Variants in PTPRD observed in about 807,000 individuals in gnomAD.
The protein encoded by PTPRD is protein tyrosine phosphatase receptor type D, also known as receptor-type tyrosine-protein phosphatase delta.
In PTPRD, 34 loss-of-function variants were observed where a neutral mutation model predicts 214.5. The ratio of observed to expected loss-of-function variants is 0.16; its 90% CI spans 0.12 to 0.21. The LOEUF (loss-of-function observed/expected upper bound fraction) is 0.21. Among genes scored for constraint, PTPRD ranks in the 10% least tolerant of loss-of-function variants. The pLI, the probability that PTPRD is intolerant of heterozygous loss-of-function variation, is 1.00. For missense variants in PTPRD, 2,545 were observed against 2,398.7 expected (o/e 1.06, Z -1.27); for synonymous variants, 1,128 against 845.7 (o/e 1.33, Z -5.79).
At chr9:8,759,937 C>A (rs1045695989) in intron 11 of PTPRD, among the ~76,000 whole-genome samples, 9 of 152,184 alleles carry the variant, frequency 5.9e-5, no homozygotes, top group African/African-American at 2.2e-4. Flanking sequence ...TATCCAGACA[C>A]TGTTTGTTGA....
At chr9:9,683,856 T>C (rs562989504) in intron 7 of PTPRD, among the ~76,000 whole-genome samples, 1 of 151,898 alleles carries the variant, frequency 6.6e-6, no homozygotes, top group Admixed American at 6.6e-5. Context: ...TTTTTAAGAC[T>C]TTAAGTTAGT....
At chr9:9,407,469 G>C (rs144285766) in intron 8 of PTPRD, among the ~76,000 whole-genome samples, 1 of 151,730 alleles carries the variant, frequency 6.6e-6, no homozygotes, top group African/African-American at 2.4e-5. Context: ...TCTACATTGA[G>C]TATACCAGAT....
chr9:9,708,672 C>T (rs1310676415), intron 7 of PTPRD, among the ~76,000 whole-genome samples: 1 of 151,836 alleles, frequency 6.6e-6, no homozygotes, highest in African/African-American at 2.4e-5. Flanking sequence ...ATTAAAAAAA[C>T]TATATTAAAT....
At chr9:9,215,955 C>T (rs913338701) in intron 9 of PTPRD, among the ~76,000 whole-genome samples, 5 of 152,104 alleles carry the variant, frequency 3.3e-5, no homozygotes, top group African/African-American at 1.2e-4. Context: ...ATACCATAAA[C>T]CATTTTGTGA....
At chr9:8,736,332 T>G (rs1055841627) in intron 11 of PTPRD, among the ~76,000 whole-genome samples, 3 of 151,936 alleles carry the variant, frequency 2.0e-5, no homozygotes, top group African/African-American at 7.3e-5. Flanking sequence ...ATAAAGAGAG[T>G]AGATCACATC....
intron 10 of PTPRD, among the ~76,000 whole-genome samples, chr9:9,164,722 T>A (rs1032632559): frequency 6.6e-6 from 1 of 152,032 alleles, no homozygotes. Context: ...TTTTAAAAAA[T>A]TTCTCCAAGG....
intron 2 of PTPRD, among the ~76,000 whole-genome samples, chr9:10,483,563 AC>A (rs1359315250): frequency 2.0e-5 from 3 of 152,138 alleles, no homozygotes; most frequent in Non-Finnish European, 4.4e-5. Context: ...CCACAAGGAA[AC>A]AAATTAGCAA....
At chr9:10,168,977 G>C (rs1166664603) in intron 3 of PTPRD, among the ~76,000 whole-genome samples, 1 of 152,104 alleles carries the variant, frequency 6.6e-6, no homozygotes, top group Non-Finnish European at 1.5e-5. Flanking sequence ...CACCTGTCAG[G>C]AGTTTATTGC....
chr9:9,894,087 G>T (rs2074239914), intron 5 of PTPRD, among the ~76,000 whole-genome samples: 1 of 151,886 alleles, frequency 6.6e-6, no homozygotes, highest in Non-Finnish European at 1.5e-5. Context: ...CTAACGCTGT[G>T]GAATTGCCAG....
chr9:9,921,567 T>C (rs1056660026), intron 5 of PTPRD, among the ~76,000 whole-genome samples: 2 of 151,612 alleles, frequency 1.3e-5, no homozygotes, highest in Non-Finnish European at 2.9e-5. Flanking sequence ...TCAAGAGAAC[T>C]TACAAATTAC....
intron 8 of PTPRD, among the ~76,000 whole-genome samples, chr9:9,558,699 A>C (rs1169381203): frequency 6.6e-6 from 1 of 152,204 alleles, no homozygotes; most frequent in Non-Finnish European, 1.5e-5. Flanking sequence ...AGTTTAGCTT[A>C]TTAGCTACTC....
At chr9:9,873,803 C>T (rs1014442483) in intron 5 of PTPRD, among the ~76,000 whole-genome samples, 1 of 152,096 alleles carries the variant, frequency 6.6e-6, no homozygotes, top group African/African-American at 2.4e-5. Context: ...GCATAAGTTA[C>T]AGAAGCATAT....
chr9:9,438,760 G>A (rs2086315762), intron 8 of PTPRD, among the ~76,000 whole-genome samples: 1 of 152,026 alleles, frequency 6.6e-6, no homozygotes, highest in South Asian at 2.1e-4. Flanking sequence ...ACTAATATTA[G>A]CATCAACATT....
chr9:10,597,735 A>G (rs929540010), intron 2 of PTPRD, among the ~76,000 whole-genome samples: 1 of 151,826 alleles, frequency 6.6e-6, no homozygotes, highest in Admixed American at 6.6e-5. Context: ...AATTAAAGCT[A>G]CACTTCAGAA....
chr9:9,194,654 A>T (rs1048205644), intron 9 of PTPRD, among the ~76,000 whole-genome samples: 2 of 152,164 alleles, frequency 1.3e-5, no homozygotes, highest in Non-Finnish European at 2.9e-5. Context: ...GTGCAAAGGC[A>T]AATAAGAAGT....
chr9:9,904,428 G>A (rs1228174895), intron 5 of PTPRD, among the ~76,000 whole-genome samples: 1 of 151,990 alleles, frequency 6.6e-6, no homozygotes, highest in African/African-American at 2.4e-5. Context: ...TCTTTGTACT[G>A]TTATTTTAAT....
At chr9:8,600,020 AGTG>A (rs1226713696) in intron 14 of PTPRD, among the ~76,000 whole-genome samples, 1 of 152,212 alleles carries the variant, frequency 6.6e-6, no homozygotes, top group Non-Finnish European at 1.5e-5. Flanking sequence ...TAGAAAAGAC[AGTG>A]GTGAATTGCC....
intron 14 of PTPRD, among the ~76,000 whole-genome samples, chr9:8,604,535 C>T (rs1272526395): frequency 1.3e-5 from 2 of 152,112 alleles, no homozygotes; most frequent in South Asian, 2.1e-4. Context: ...GGCCATACTG[C>T]CTCAGGGTTT....
At chr9:8,858,485 G>A (rs1004076367) in intron 11 of PTPRD, among the ~76,000 whole-genome samples, 3 of 152,122 alleles carry the variant, frequency 2.0e-5, no homozygotes, top group African/African-American at 7.2e-5. Context: ...GTGGTTTGGG[G>A]AGGGGGGAAA....
Sources: gnomAD v4.1 joint callset for allele counts (sites outside exome capture counted in the v4.1 genomes callset) on GRCh38, gnomAD v4.1.1 for gene constraint, MANE v1.5 for transcripts, NCBI Gene and HGNC (gene_info 2026-07-23, HGNC 2026-07-21) for gene names.